MVP: variants seen among roughly 807,000 people sequenced by gnomAD.
The protein encoded by MVP is major vault protein.
A neutral mutation model predicts 83.5 loss-of-function variants in MVP; 62 were observed. The observed-to-expected ratio is 0.74, with a 90% CI of 0.61 to 0.92. MVP has a LOEUF of 0.92. Among genes scored for constraint, MVP ranks in the 40% least tolerant of loss-of-function variants. The pLI, the probability that MVP is intolerant of heterozygous loss-of-function variation, is 0.00. For synonymous variants in MVP, 505 were observed against 504.1 expected, an observed-to-expected ratio of 1.00 and a Z score of -0.02; for missense variants, 1,000 against 1,203.4, an observed-to-expected ratio of 0.83 and a Z score of 2.50.
chr16:29,840,116 G>A (rs2067521471), intron 7 of MVP, 62 bp from the exon 8 acceptor site: 2 of 1,516,316 alleles, frequency 1.3e-6, no homozygotes, highest in African/African-American at 1.4e-5. Flanking sequence ...GACTGGGGAG[G>A]TACCATTGGA....
intron 3 of MVP, among the ~76,000 whole-genome samples, chr16:29,832,045 G>T (rs1276314337): frequency 6.6e-6 from 1 of 152,136 alleles, no homozygotes; most frequent in African/African-American, 2.4e-5. Flanking sequence ...CTCCCAAAGT[G>T]CTGGGATTAC....
At chr16:29,836,598 C>A in intron 6 of MVP, 124 bp from the exon 7 acceptor site, 1 of 761,258 alleles carries the variant, frequency 1.3e-6, no homozygotes, top group Non-Finnish European at 2.1e-6. Flanking sequence ...AAAAACAATC[C>A]CTGGATTGGT....
At chr16:29,824,960 T>G (rs2067395038) in intron 1 of MVP, among the ~76,000 whole-genome samples, 1 of 152,024 alleles carries the variant, frequency 6.6e-6, no homozygotes, top group Non-Finnish European at 1.5e-5. Flanking sequence ...CAAGCTGGTC[T>G]TGAACTCCTG....
chr16:29,835,596 C>G, intron 5 of MVP, 108 bp from the exon 6 acceptor site: 2 of 830,898 alleles, frequency 2.4e-6, no homozygotes, highest in Non-Finnish European at 3.8e-6. Context: ...TCAGTGCTAT[C>G]TTTTTGCCTA....
chr16:29,842,090 C>CA lies in MVP; in HGVS notation c.1614dup (p.Leu539ThrfsTer10). ...CGAAACGGCGGATCATGCCAGGCTG[C>CA]AACTGCAGCTGGCCTACAACTGGTA... On this transcript the variant is annotated frameshift_variant, in exon 10 of 15. Transcript: ENST00000357402. LOFTEE classifies it high-confidence loss of function. The CA allele has an allele frequency of 6.2e-7, 1 of 1,604,260 alleles. No homozygotes were observed. Among genetic ancestry groups the CA allele is most frequent in the Non-Finnish European group, 8.5e-7 (1 of 1,179,146 alleles).
chr16:29,833,873 T>C lies in MVP; in HGVS notation c.445+17T>C, dbSNP rs2067464137. 6.2e-7 allele frequency: 1 copy of C among 1,614,072 alleles called. No individual in the cohort carries two copies. The highest frequency in any genetic ancestry group is 1.3e-5 in the African/African-American group (1 of 75,020). On this transcript the variant is annotated intron_variant, in intron 4 of 14. Transcript: ENST00000357402. Reference sequence around the variant, plus strand: ...AGGGACCTGGTAAGTTCTGTCTCCATAGGGCTCCCTGCCTTCCTGTCATAG... The same window carrying C: ...AGGGACCTGGTAAGTTCTGTCTCCACAGGGCTCCCTGCCTTCCTGTCATAG...
rs776656369 is a variant in MVP, at chr16:29,830,982, T to TCACA, written c.231_234dup (p.Gly79HisfsTer10). 8.7e-6 allele frequency: 14 copies of TCACA among 1,613,900 alleles called. No homozygotes were observed. Among genetic ancestry groups the TCACA allele is most frequent in the African/African-American group, 2.7e-5 (2 of 74,864 alleles). Reference sequence around the variant, plus strand: ...GCCCAGGGCTTGGTGCTGTTTGATGTCACAGGGCAAGTTCGGCTTCGCCAC... The same window carrying TCACA: ...GCCCAGGGCTTGGTGCTGTTTGATGTCACACACAGGGCAAGTTCGGCTTCGCCAC... On this transcript the variant is annotated frameshift_variant, in exon 3 of 15. Transcript: ENST00000357402. LOFTEE classifies it high-confidence loss of function.
intron 1 of MVP, chr16:29,826,189 G>GCA (rs1005561947): frequency 2.0e-5 from 3 of 152,254 alleles, no homozygotes; most frequent in African/African-American, 7.2e-5. Context: ...GTCAAACAGT[G>GCA]CAGATGAAGA....
At position 29,844,499 on chromosome 16, in the gene MVP, T is replaced by C. The variant is rs1596928759; in HGVS notation, c.1641T>C (p.Phe547=). Residue 547 remains phenylalanine (F), a synonymous_variant, in exon 11 of 15, where the codon TTT becomes TTC. Transcript: ENST00000357402. ...TGGGCCTGTTTGTTCACAGGCACTT[T>C]GAGGTGAATGACCGGAAGGACCCCC... ...LQLQLAYNWH[F]EVNDRKDPQE... The C allele has an allele frequency of 2.0e-6, 3 of 1,536,990 alleles. No homozygotes were observed. The African/African-American group carries it at 4.2e-5, about 21-fold the overall frequency.
intron 1 of MVP, among the ~76,000 whole-genome samples, chr16:29,823,134 T>C (rs1182143012): frequency 2.3e-5 from 3 of 130,884 alleles, no homozygotes; most frequent in African/African-American, 9.0e-5. Flanking sequence ...TTTTTTTTTT[T>C]TTTTTTTTGA....
chr16:29,834,725 G>T (rs1211250175), intron 5 of MVP: 1 of 148,592 alleles, frequency 6.7e-6, no homozygotes, highest in Non-Finnish European at 1.5e-5. Context: ...TCTTGCTGTT[G>T]CCCAGGTTGG....
chr16:29,837,051 G>A (rs902456057), intron 7 of MVP, 93 bp downstream of exon 7: 14 of 1,173,660 alleles, frequency 1.2e-5, no homozygotes, highest in African/African-American at 3.1e-5. Context: ...CCAGACGCAC[G>A]TTCTAGGAAC....
rs2067463463 is a variant in MVP at position 29,833,793 on chromosome 16, G to A, written c.382G>A (p.Asp128Asn). The A allele has an allele frequency of 6.2e-7, 1 of 1,613,956 alleles. No individual in the cohort carries two copies. Among genetic ancestry groups the A allele is most frequent in the Admixed American group, 1.7e-5 (1 of 59,972 alleles). Residue 128 changes from aspartate to asparagine, a missense_variant, in exon 4 of 15, where the codon GAT becomes AAT. Coordinates refer to ENST00000357402, the MANE Select transcript of MVP (RefSeq NM_005115.5). ...NTALHLKALLDFEDKDGDKVV... is the reference protein window; with the variant it reads ...NTALHLKALLNFEDKDGDKVV... ...TGCCCTCCATCTAAAGGCGCTGCTT[G>A]ATTTTGAGGATAAAGATGGAGACAA...
At position 29,844,721 on chromosome 16, in the gene MVP, G is replaced by A. The variant is rs2067568401; in HGVS notation, c.1863G>A (p.Arg621=). ...AKGPDGMALP[R]PRDQAVFPQN... ...GCCCCGATGGCATGGCCCTGCCCAG[G>A]CCCCGGGACCAGGCTGTCTTCCCCC... Residue 621 remains arginine (R), a synonymous_variant, in exon 11 of 15, where the codon AGG becomes AGA. Transcript: ENST00000357402. The A allele has an allele frequency of 6.2e-7, 1 of 1,613,510 alleles. No homozygotes were observed. The highest frequency in any genetic ancestry group is 1.3e-5 in the African/African-American group (1 of 74,956).
Position 29,844,847 on chromosome 16 carries a change from G to C in MVP, c.1989G>C (p.Glu663Asp). The C allele has an allele frequency of 6.2e-7, 1 of 1,605,214 alleles. No individual in the cohort carries two copies. Among genetic ancestry groups the C allele is most frequent in the Non-Finnish European group, 8.5e-7 (1 of 1,179,824 alleles). The change falls in exon 11 of 15, where the codon GAG (glutamate) becomes GAC (aspartate). Residue 663 changes from glutamate (E) to aspartate (D), a missense_variant. Glu to Asp is a conservative substitution (Grantham distance 45, BLOSUM62 2). Coordinates refer to ENST00000357402, the MANE Select transcript of MVP (RefSeq NM_005115.5). ...ALQRSVQLAI[E>D]ITTNSQEAAA... Reference sequence around the variant, plus strand: ...AACGCAGCGTCCAGCTGGCCATCGAGATCACCACCAACTCCCAGGAAGCGG... The same window carrying C: ...AACGCAGCGTCCAGCTGGCCATCGACATCACCACCAACTCCCAGGAAGCGG...
At chr16:29,822,086 T>G (rs1410145996) in intron 1 of MVP, among the ~76,000 whole-genome samples, 5 of 148,454 alleles carry the variant, frequency 3.4e-5, no homozygotes, top group Non-Finnish European at 6.0e-5. Context: ...GTTGGGGTTT[T>G]GTTTTTTTTT....
chr16:29,823,985 T>C (rs2067385198), intron 1 of MVP, among the ~76,000 whole-genome samples: 1 of 151,922 alleles, frequency 6.6e-6, no homozygotes, highest in African/African-American at 2.4e-5. Flanking sequence ...ACACCTGTTA[T>C]CCTAGCCCTT....
At chr16:29,833,026 C>G (rs1195927709) in intron 3 of MVP, among the ~76,000 whole-genome samples, 1 of 151,342 alleles carries the variant, frequency 6.6e-6, no homozygotes, top group Non-Finnish European at 1.5e-5. Context: ...GATTGCGCCA[C>G]TGCGCTCCAG....
rs566803576 is a variant in MVP at position 29,845,831 on chromosome 16, C to G, written c.2022-32C>G. On this transcript the variant is annotated intron_variant, in intron 11 of 14. Coordinates refer to ENST00000357402, the MANE Select transcript of MVP (RefSeq NM_005115.5). ...CTCCTGTTCCTGCTCTGGCCCCATGCCAGCCTCTCACCTGCGCTCCGTCTC... is the reference window on the plus strand; with the variant it reads ...CTCCTGTTCCTGCTCTGGCCCCATGGCAGCCTCTCACCTGCGCTCCGTCTC... 3.1e-6 allele frequency: 5 copies of G among 1,599,290 alleles called. No homozygotes were observed. The African/African-American group carries it at 5.4e-5, about 17-fold the overall frequency.
Sources: allele counts gnomAD v4.1 joint callset (sites outside exome capture counted in the v4.1 genomes callset), GRCh38; gene constraint gnomAD v4.1.1; transcripts MANE v1.5; gene names NCBI Gene and HGNC (gene_info 2026-07-23, HGNC 2026-07-21).